The following SLC6A17 variants were observed in gnomAD, a reference collection of about 807,000 sequenced individuals.
SLC6A17 encodes the protein sodium-dependent neutral amino acid transporter SLC6A17.
Under a neutral mutation model 64.5 loss-of-function variants are expected in SLC6A17, and 21 were observed. The ratio of observed to expected loss-of-function variants is 0.33; its 90% CI spans 0.23 to 0.47. The LOEUF (loss-of-function observed/expected upper bound fraction) is 0.47. Ranked by LOEUF, SLC6A17 falls within the 20% of genes least tolerant of loss-of-function variation. SLC6A17 has a pLI of 1.00. For missense variants in SLC6A17, 682 were observed against 963.2 expected (o/e 0.71, Z 3.86); for synonymous variants, 372 against 399.5 (o/e 0.93, Z 0.82).
At chr1:110,178,439 A>G (rs1364002250) in intron 6 of SLC6A17, among the ~76,000 whole-genome samples, 3 of 152,224 alleles carry the variant, frequency 2.0e-5, no homozygotes, top group Non-Finnish European at 2.9e-5. Context: ...GTAAACACAT[A>G]TCTAATAATA....
At chr1:110,175,663 G>A (rs1448094951) in intron 5 of SLC6A17, among the ~76,000 whole-genome samples, 2 of 152,228 alleles carry the variant, frequency 1.3e-5, no homozygotes, top group Non-Finnish European at 2.9e-5. Flanking sequence ...CAGCCAGTCA[G>A]TCTCAGAGCT....
At chr1:110,161,198 A>G (rs1188404868) in intron 1 of SLC6A17, among the ~76,000 whole-genome samples, 1 of 152,218 alleles carries the variant, frequency 6.6e-6, no homozygotes, top group Non-Finnish European at 1.5e-5. Context: ...GTCTCTGATA[A>G]TAGTCCGGCC....
chr1:110,168,974 T>C (rs1336717017), intron 2 of SLC6A17, among the ~76,000 whole-genome samples: 2 of 152,386 alleles, frequency 1.3e-5, no homozygotes, highest in African/African-American at 2.4e-5. Flanking sequence ...TCTTCTCTGA[T>C]TCCTGCAATC....
rs1656844644 is a variant in SLC6A17, at chr1:110,192,195, A to T, written c.1088A>T (p.Asn363Ile). The T allele has an allele frequency of 2.5e-6, 4 of 1,612,902 alleles. No homozygotes were observed. In the East Asian group the frequency reaches 8.9e-5, roughly 36 times the overall value. ...AVLGFKANIM[N>I]EKCVVENAEK... ...CTGGGCTTCAAGGCCAACATCATGA[A>T]TGAGAAGTGTGTGGTCGAGTAGGTG... The change falls in exon 7 of 12, where the codon AAT (asparagine) becomes ATT (isoleucine). Residue 363 changes from asparagine to isoleucine, a missense_variant. Physicochemically the swap from Asn to Ile is moderately radical, Grantham distance 149 (BLOSUM62 -3). This residue lies in a region of SLC6A17 where 415 missense variants were observed against 603.8 expected (regional missense o/e 0.69). Coordinates refer to ENST00000331565, the MANE Select transcript of SLC6A17 (RefSeq NM_001010898.4). This position sits in a 1 kb window ranked among gnomAD's most constrained non-coding sequence, Gnocchi z 4.3.
At chr1:110,160,007 C>T (rs1439431232) in intron 1 of SLC6A17, among the ~76,000 whole-genome samples, 1 of 152,204 alleles carries the variant, frequency 6.6e-6, no homozygotes, top group Admixed American at 6.5e-5. Flanking sequence ...GACCAAAACA[C>T]AAACCCGACA....
chr1:110,180,438 T>C (rs1281087146), intron 6 of SLC6A17, among the ~76,000 whole-genome samples: 7 of 152,144 alleles, frequency 4.6e-5, no homozygotes, highest in African/African-American at 1.4e-4. Context: ...CACCCCATGG[T>C]TGAGCTGAGC....
chr1:110,179,840 A>C (rs1277190232), intron 6 of SLC6A17, among the ~76,000 whole-genome samples: 3 of 151,974 alleles, frequency 2.0e-5, no homozygotes, highest in Non-Finnish European at 4.4e-5. Context: ...GGCGTGAGCC[A>C]CTGCGCCTGG....
rs968934590 is a variant in SLC6A17 at position 110,167,265 on chromosome 1, G to A, written c.286+50G>A. On this transcript the variant is annotated intron_variant, in intron 2 of 11. Transcript: ENST00000331565. ...AGGGGTCCCCTGCAAATAGGCCGGG[G>A]ATGAGGGGTAAAAAAGAACACCCCT... The A allele has an allele frequency of 7.0e-6, 11 of 1,565,438 alleles. No individual in the cohort carries two copies. The African/African-American group carries it at 1.5e-4, about 21-fold the overall frequency.
At chr1:110,175,591 C>T (rs1466609395) in intron 5 of SLC6A17, among the ~76,000 whole-genome samples, 1 of 152,182 alleles carries the variant, frequency 6.6e-6, no homozygotes, top group Non-Finnish European at 1.5e-5. Flanking sequence ...TCCCAGACTA[C>T]TCATTTTACA....
intron 5 of SLC6A17, among the ~76,000 whole-genome samples, chr1:110,175,998 C>T (rs942680967): frequency 2.6e-5 from 4 of 152,184 alleles, no homozygotes; most frequent in Admixed American, 2.6e-4. Flanking sequence ...AGCCTAACAC[C>T]AGACTTGCAT....
chr1:110,161,209 T>G (rs939970290), intron 1 of SLC6A17, among the ~76,000 whole-genome samples: 2 of 152,220 alleles, frequency 1.3e-5, no homozygotes, highest in African/African-American at 4.8e-5. Flanking sequence ...TAGTCCGGCC[T>G]GTTTTGGGCT....
chr1:110,165,337 G>A (rs995025257), intron 1 of SLC6A17, among the ~76,000 whole-genome samples: 8 of 152,152 alleles, frequency 5.3e-5, no homozygotes, highest in Non-Finnish European at 1.0e-4. Flanking sequence ...GATGCAATGG[G>A]GTGTTCAACT....
At chr1:110,190,888 C>T (rs1000446500) in intron 6 of SLC6A17, among the ~76,000 whole-genome samples, 1 of 152,160 alleles carries the variant, frequency 6.6e-6, no homozygotes, top group Non-Finnish European at 1.5e-5. Flanking sequence ...CACTCTGCCC[C>T]GACTAACCAG....
In SLC6A17 at chr1:110,159,839, C is replaced by T. The variant is rs140173290; in HGVS notation, c.-87-7004C>T. On this transcript the variant is annotated intron_variant, in intron 1 of 11. Coordinates refer to ENST00000331565, the MANE Select transcript of SLC6A17 (RefSeq NM_001010898.4). ...AAAACTAGAAGTTGGAAAAACACATCGGACTCCAGGAACTTTGGGGTGTTC... is the reference window on the plus strand; with the variant it reads ...AAAACTAGAAGTTGGAAAAACACATTGGACTCCAGGAACTTTGGGGTGTTC... Among the ~76,000 whole-genome samples, 197 of 152,278 alleles carry T rather than the reference C, an allele frequency of 1.3e-3. 2 individuals are homozygous for T. Among genetic ancestry groups the T allele is most frequent in the African/African-American group, 4.5e-3 (188 of 41,550 alleles).
At chr1:110,158,454 T>A (rs2101837937) in intron 1 of SLC6A17, among the ~76,000 whole-genome samples, 1 of 152,318 alleles carries the variant, frequency 6.6e-6, no homozygotes, top group Non-Finnish European at 1.5e-5. Flanking sequence ...GAGTATGCCT[T>A]GATTCCTGGC....
chr1:110,163,504 GC>G lies in SLC6A17; in HGVS notation c.-87-3338del, dbSNP rs144341676. 1.8e-3 allele frequency among the ~76,000 whole-genome samples: 270 copies of G among 152,304 alleles called. 1 individual carries two copies. The highest frequency in any genetic ancestry group is 6.1e-3 in the African/African-American group (253 of 41,562). ...CTCTATGTCAGGCACTCTGTGTGCG[GC>G]TGCTCATTGGACCCTCACAGCAGCC... On this transcript the variant is annotated intron_variant, in intron 1 of 11. Transcript: ENST00000331565.
intron 1 of SLC6A17, among the ~76,000 whole-genome samples, chr1:110,152,111 G>C (rs1320278241): frequency 1.3e-5 from 2 of 152,196 alleles, no homozygotes; most frequent in Non-Finnish European, 2.9e-5. Context: ...TAACAGTGGG[G>C]AGTTCTTGTG....
At chr1:110,185,247 C>G (rs1656652738) in intron 6 of SLC6A17, among the ~76,000 whole-genome samples, 1 of 152,218 alleles carries the variant, frequency 6.6e-6, no homozygotes, top group South Asian at 2.1e-4. Context: ...CGGGAAAGTG[C>G]TTAGGACTGC....
At position 110,176,794 on chromosome 1, in the gene SLC6A17, G is replaced by T. The variant is rs878883657; in HGVS notation, c.864+55G>T. On this transcript the variant is annotated intron_variant, in intron 6 of 11. Coordinates refer to ENST00000331565, the MANE Select transcript of SLC6A17 (RefSeq NM_001010898.4). ...GAACAGCAACAGGTCTACTGGGCCT[G>T]GTCAGCTTCCTGCAATTTCATGGAA... 2.9e-5 allele frequency: 43 copies of T among 1,477,246 alleles called. No homozygotes were observed. In the South Asian group the frequency reaches 5.2e-4, roughly 18 times the overall value. 91.5% of individuals were successfully genotyped at this position (1,477,246 alleles called of 1,614,324 possible). A position where few individuals can be genotyped will look rare whatever the true frequency, so the allele number is the denominator to read the frequency against.
Sources: allele counts gnomAD v4.1 joint callset (sites outside exome capture counted in the v4.1 genomes callset), GRCh38; gene constraint gnomAD v4.1.1; regional missense constraint gnomAD v4.1.1; non-coding constraint Gnocchi (gnomAD v3.1); transcripts MANE v1.5; gene names NCBI Gene and HGNC (gene_info 2026-07-23, HGNC 2026-07-21).